Variants in SLC25A26 observed in about 807,000 individuals in gnomAD.
The protein encoded by SLC25A26 is mitochondrial S-adenosylmethionine carrier protein.
Under a neutral mutation model 37.8 loss-of-function variants are expected in SLC25A26, and 36 were observed. The observed-to-expected ratio is 0.95, with a 90% CI of 0.73 to 1.26. The LOEUF (loss-of-function observed/expected upper bound fraction) is 1.26, where lower values mean the gene tolerates loss of function less well. Ranked by LOEUF, SLC25A26 falls within the 50% of genes most tolerant of loss-of-function variation. SLC25A26 has a pLI of 0.00. For missense variants in SLC25A26, 390 were observed against 331.1 expected (o/e 1.18, Z -1.38); for synonymous variants, 129 against 122.5 (o/e 1.05, Z -0.35).
intron 6 of SLC25A26, among the ~76,000 whole-genome samples, chr3:66,355,024 A>C (rs1004778309): frequency 1.3e-5 from 2 of 152,144 alleles, no homozygotes; most frequent in East Asian, 3.9e-4. Context: ...GGACTAATAC[A>C]ACTAATAAGA....
intron 1 of SLC25A26, among the ~76,000 whole-genome samples, chr3:66,156,006 G>A (rs1333675362): frequency 2.6e-5 from 4 of 152,146 alleles, no homozygotes; most frequent in Non-Finnish European, 5.9e-5. Context: ...TAGCATAGGG[G>A]AAGAGTCAAT....
intron 5 of SLC25A26, among the ~76,000 whole-genome samples, chr3:66,316,958 A>T (rs1331215251): frequency 6.6e-6 from 1 of 152,096 alleles, no homozygotes; most frequent in African/African-American, 2.4e-5. Context: ...CCATCAGGTC[A>T]TTTATGTTCA....
rs1553653584 is a variant in SLC25A26, at chr3:66,192,334, A to AAG, written c.-353-28400_-353-28399dup. On this transcript the variant is annotated intron_variant, in intron 1 of 10. Coordinates refer to the SLC25A26 transcript ENST00000676754. ...CCATGTCACAAAAAAAAAAAAAAAAAAGAGAGAGAAATTGCAGAATTTGCT... is the reference window on the plus strand; with the variant it reads ...CCATGTCACAAAAAAAAAAAAAAAAAAGAGAGAGAGAAATTGCAGAATTTGCT... Among the ~76,000 whole-genome samples, 105 of 150,550 alleles carry AAG rather than the reference A, an allele frequency of 7.0e-4. 2 individuals are homozygous for AAG. Among genetic ancestry groups the AAG allele is most frequent in the African/African-American group, 1.6e-3 (66 of 40,628 alleles).
upstream of SLC25A26, among the ~76,000 whole-genome samples, chr3:66,217,963 T>C (rs1392221354): frequency 6.6e-6 from 1 of 152,362 alleles, no homozygotes; most frequent in African/African-American, 2.4e-5. Context: ...AATATCTTCA[T>C]CATTGCAAAC....
intron 1 of SLC25A26, among the ~76,000 whole-genome samples, chr3:66,196,306 G>GT (rs2071043260): frequency 6.6e-6 from 1 of 152,184 alleles, no homozygotes; most frequent in Non-Finnish European, 1.5e-5. Context: ...GCTTCTGTGC[G>GT]TATCTATGCA....
At chr3:66,335,868 AC>A (rs1296438730) in intron 5 of SLC25A26, among the ~76,000 whole-genome samples, 3 of 152,026 alleles carry the variant, frequency 2.0e-5, no homozygotes, top group Non-Finnish European at 4.4e-5. Flanking sequence ...TGCTTTTAAT[AC>A]TGGATTGTTA....
At chr3:66,331,451 C>T (rs28428807) in intron 5 of SLC25A26, among the ~76,000 whole-genome samples, 2,101 of 152,230 alleles carry the variant, frequency 0.014, 51 homozygotes, top group African/African-American at 0.047. Context: ...TTTTAAATCT[C>T]ATTTCCATGC....
intron 1 of SLC25A26, among the ~76,000 whole-genome samples, chr3:66,142,517 G>C (rs1486054898): frequency 6.6e-6 from 1 of 152,130 alleles, no homozygotes; most frequent in Non-Finnish European, 1.5e-5. Context: ...ACTATACTCA[G>C]AGAAAAATGC....
At chr3:66,245,703 C>G (rs2072802287) in intron 3 of SLC25A26, among the ~76,000 whole-genome samples, 1 of 152,034 alleles carries the variant, frequency 6.6e-6, no homozygotes, top group Non-Finnish European at 1.5e-5. Context: ...TGTTTAGTAA[C>G]CTAATATTCC....
chr3:66,269,572 C>A (rs929528123), intron 5 of SLC25A26, among the ~76,000 whole-genome samples: 2 of 152,142 alleles, frequency 1.3e-5, no homozygotes, highest in Non-Finnish European at 2.9e-5. Context: ...CATGATTGTT[C>A]ATTTTTGGCT....
intron 5 of SLC25A26, among the ~76,000 whole-genome samples, chr3:66,322,927 T>A (rs529029343): frequency 6.6e-6 from 1 of 152,222 alleles, no homozygotes; most frequent in African/African-American, 2.4e-5. Flanking sequence ...CCCAATCTGT[T>A]TTTTACCTTC....
intron 1 of SLC25A26, among the ~76,000 whole-genome samples, chr3:66,196,062 T>G (rs1345610123): frequency 3.3e-5 from 5 of 152,264 alleles, no homozygotes; most frequent in African/African-American, 1.2e-4. Context: ...ATTTATCCTC[T>G]GCATAGACTT....
intron 1 of SLC25A26, among the ~76,000 whole-genome samples, chr3:66,189,864 C>T (rs1257750321): frequency 1.3e-5 from 2 of 151,992 alleles, no homozygotes; most frequent in Non-Finnish European, 2.9e-5. Flanking sequence ...AAGGTCTTAC[C>T]ATGTTGCCCA....
At chr3:66,184,622 C>CTTGAGTTTACTATGTATTACAAG (rs2070790011) in intron 1 of SLC25A26, among the ~76,000 whole-genome samples, 1 of 152,128 alleles carries the variant, frequency 6.6e-6, no homozygotes, top group Non-Finnish European at 1.5e-5. Flanking sequence ...ACATGCTCAA[C>CTTGAGTTTACTATGTATTACAAG]CAAATCCTCA....
At chr3:66,248,100 CCA>C (rs1290599791) in intron 3 of SLC25A26, among the ~76,000 whole-genome samples, 4 of 152,080 alleles carry the variant, frequency 2.6e-5, no homozygotes, top group African/African-American at 9.7e-5. Context: ...TTGAATATAG[CCA>C]CAGTTACTTT....
chr3:66,333,297 A>G (rs757307758), intron 5 of SLC25A26, among the ~76,000 whole-genome samples: 1 of 151,820 alleles, frequency 6.6e-6, no homozygotes, highest in Non-Finnish European at 1.5e-5. Context: ...ATCTTATTAG[A>G]TCTGTCCTCC....
At chr3:66,299,656 G>A (rs543980897) in intron 5 of SLC25A26, among the ~76,000 whole-genome samples, 6 of 152,272 alleles carry the variant, frequency 3.9e-5, no homozygotes, top group Admixed American at 6.5e-5. Flanking sequence ...AAGGGGGTAT[G>A]TGTGCATGAG....
intron 5 of SLC25A26, among the ~76,000 whole-genome samples, chr3:66,294,420 G>A (rs1241210970): frequency 2.6e-5 from 4 of 152,096 alleles, no homozygotes; most frequent in Non-Finnish European, 5.9e-5. Context: ...CTTTTGGGCC[G>A]GGACTATGGG....
Position 66,221,020 on chromosome 3 carries a change from C to A in SLC25A26, c.-75C>A. 1.4e-6 allele frequency: 2 copies of A among 1,479,762 alleles called. No homozygotes were observed. Among genetic ancestry groups the A allele is most frequent in the Non-Finnish European group, 1.8e-6 (2 of 1,095,500 alleles). The allele number at this position is 1,479,762 out of a possible 1,614,324, so 91.7% of individuals were successfully genotyped here. ...CAAGACAGACCCGCCTCAAACATGG[C>A]GGCGCCCAGCGCGCGAGGACGTGAT... On this transcript the variant is annotated 5_prime_UTR_variant, in exon 1 of 10. Coordinates refer to ENST00000354883, the MANE Select transcript of SLC25A26 (RefSeq NM_001379210.1).
Sources: allele counts gnomAD v4.1 joint callset (sites outside exome capture counted in the v4.1 genomes callset), GRCh38; gene constraint gnomAD v4.1.1; transcripts MANE v1.5; gene names NCBI Gene and HGNC (gene_info 2026-07-23, HGNC 2026-07-21).